REV3L: variants seen among roughly 807,000 people sequenced by gnomAD.
The protein encoded by REV3L is DNA polymerase zeta catalytic subunit.
A neutral mutation model predicts 299.4 loss-of-function variants in REV3L; 69 were observed. The observed-to-expected ratio is 0.23, with a 90% CI of 0.19 to 0.28. REV3L has a LOEUF of 0.28. Ranked by LOEUF, REV3L falls within the 10% of genes least tolerant of loss-of-function variation. REV3L has a pLI of 1.00. For synonymous variants in REV3L, 1,238 were observed against 1,271.4 expected (o/e 0.97, Z 0.56); for missense variants, 3,128 against 3,693.8 (o/e 0.85, Z 3.97).
At chr6:111,431,947 G>A (rs879685504) in intron 1 of REV3L, among the ~76,000 whole-genome samples, 4 of 151,938 alleles carry the variant, frequency 2.6e-5, no homozygotes, top group Admixed American at 6.6e-5. Flanking sequence ...GTAATAAAGC[G>A]GGACCTGAGG....
chr6:111,335,384 T>A, intron 22 of REV3L, 85 bp downstream of exon 22: 1 of 1,427,368 alleles, frequency 7.0e-7, no homozygotes, highest in Non-Finnish European at 9.4e-7. Flanking sequence ...AAACAGAAAG[T>A]TTAAAAAGTC....
At chr6:111,459,374 G>A (rs894307468) in intron 1 of REV3L, among the ~76,000 whole-genome samples, 1 of 151,944 alleles carries the variant, frequency 6.6e-6, no homozygotes, top group Non-Finnish European at 1.5e-5. Flanking sequence ...CAGCCCTGTC[G>A]AAGAATTTAT....
intron 1 of REV3L, among the ~76,000 whole-genome samples, chr6:111,429,010 G>A (rs1374691769): frequency 3.3e-5 from 5 of 152,164 alleles, no homozygotes; most frequent in East Asian, 1.9e-4. Flanking sequence ...ATGTATACAA[G>A]TGCTCCAACT....
At chr6:111,420,763 C>G (rs1040263440) in intron 1 of REV3L, among the ~76,000 whole-genome samples, 4 of 152,160 alleles carry the variant, frequency 2.6e-5, no homozygotes, top group Admixed American at 1.3e-4. Flanking sequence ...TGTGTAAGTA[C>G]ATAACAAAAG....
At chr6:111,337,046 C>T (rs764436573) in intron 21 of REV3L, among the ~76,000 whole-genome samples, 5 of 131,040 alleles carry the variant, frequency 3.8e-5, no homozygotes, top group East Asian at 2.2e-4. Flanking sequence ...AATAGATCAG[C>T]GGTTGTCTAA....
intron 28 of REV3L, chr6:111,312,707 G>C (rs1225427820): frequency 6.6e-6 from 1 of 152,308 alleles, no homozygotes; most frequent in South Asian, 2.1e-4. Context: ...ACAGGCATGC[G>C]CCACCACACC....
At chr6:111,353,244 C>A (rs1777760144) in intron 18 of REV3L, among the ~76,000 whole-genome samples, 1 of 152,130 alleles carries the variant, frequency 6.6e-6, no homozygotes, top group African/African-American at 2.4e-5. Flanking sequence ...GACCAGATCA[C>A]CAGATCTGCT....
intron 1 of REV3L, among the ~76,000 whole-genome samples, chr6:111,467,808 G>A (rs573617904): frequency 3.3e-4 from 50 of 152,174 alleles, no homozygotes; most frequent in African/African-American, 7.7e-4. Flanking sequence ...TTCCTGCAAC[G>A]AATCCCTCAC....
At chr6:111,450,819 T>C (rs1789448217) in intron 1 of REV3L, among the ~76,000 whole-genome samples, 1 of 152,252 alleles carries the variant, frequency 6.6e-6, no homozygotes, top group African/African-American at 2.4e-5. Flanking sequence ...TGGGTTATCA[T>C]ATCCGCTTTT....
intron 1 of REV3L, among the ~76,000 whole-genome samples, chr6:111,444,234 A>G (rs1437568428): frequency 1.3e-5 from 2 of 152,236 alleles, no homozygotes; most frequent in Non-Finnish European, 2.9e-5. Flanking sequence ...GTGGTTATCA[A>G]GCTGGGAAAA....
intron 1 of REV3L, among the ~76,000 whole-genome samples, chr6:111,481,939 A>G (rs1213987794): frequency 6.6e-6 from 1 of 152,178 alleles, no homozygotes; most frequent in East Asian, 1.9e-4. Context: ...GCAATCCTAC[A>G]GCCCAGCCTA....
intron 20 of REV3L, among the ~76,000 whole-genome samples, chr6:111,348,329 T>C (rs1275504579): frequency 6.6e-6 from 1 of 152,186 alleles, no homozygotes; most frequent in Non-Finnish European, 1.5e-5. Flanking sequence ...ATGATCTTAC[T>C]TTTTGTGTGT....
chr6:111,451,573 CTG>C (rs374600897), intron 1 of REV3L, among the ~76,000 whole-genome samples: 9 of 152,088 alleles, frequency 5.9e-5, no homozygotes, highest in African/African-American at 2.2e-4. Context: ...CAGAATAGCT[CTG>C]TGTTGCCTTC....
intron 1 of REV3L, among the ~76,000 whole-genome samples, chr6:111,428,334 T>C (rs1421987351): frequency 1.3e-5 from 2 of 151,996 alleles, no homozygotes; most frequent in East Asian, 3.9e-4. Flanking sequence ...AATTAAGAAA[T>C]TTATTAGAGA....
intron 1 of REV3L, among the ~76,000 whole-genome samples, chr6:111,465,447 T>C (rs374553656): frequency 1.3e-5 from 2 of 151,508 alleles, no homozygotes; most frequent in South Asian, 2.1e-4. Context: ...ATAGCAAATT[T>C]TGTTGGCTGA....
intron 1 of REV3L, among the ~76,000 whole-genome samples, chr6:111,443,895 G>A (rs1243219439): frequency 6.6e-6 from 1 of 152,146 alleles, no homozygotes; most frequent in Non-Finnish European, 1.5e-5. Context: ...AATGGTGTAG[G>A]CCAGAAATTC....
chr6:111,321,538 G>A lies in REV3L; in HGVS notation c.8351+1031C>T, dbSNP rs376853314. The stretch of plus-strand genomic sequence containing the variant: ...ATAACCAAAGCCAAACTAAGAAGTG[G>A]CTTTTGATGAGCAACAGGAGAGAAT... On this transcript the variant is annotated intron_variant, in intron 26 of 31. Coordinates refer to ENST00000368802, the MANE Select transcript of REV3L (RefSeq NM_001372078.1). 7.2e-5 allele frequency among the ~76,000 whole-genome samples: 11 copies of A among 152,264 alleles called. No individual in the cohort carries two copies. The East Asian group carries it at 1.9e-3, about 27-fold the overall frequency.
chr6:111,378,472 G>A (rs1780520691), intron 11 of REV3L, among the ~76,000 whole-genome samples: 1 of 151,822 alleles, frequency 6.6e-6, no homozygotes, highest in African/African-American at 2.4e-5. Flanking sequence ...TTTCCATTAA[G>A]CCTTTCCAAA....
At chr6:111,422,671 T>TATATAC (rs1785670840) in intron 1 of REV3L, among the ~76,000 whole-genome samples, 1 of 48,678 alleles carries the variant, frequency 2.1e-5, no homozygotes, top group African/African-American at 4.8e-5. Flanking sequence ...TACATATATA[T>TATATAC]ATATATACGT....
Sources: allele counts gnomAD v4.1 joint callset (sites outside exome capture counted in the v4.1 genomes callset), GRCh38; gene constraint gnomAD v4.1.1; transcripts MANE v1.5; gene names NCBI Gene and HGNC (gene_info 2026-07-23, HGNC 2026-07-21).